EPHA3: variants seen among roughly 807,000 people sequenced by gnomAD.
The protein encoded by EPHA3 is EPH receptor A3.
In EPHA3, 42 loss-of-function variants were observed where a neutral mutation model predicts 107.1. The observed-to-expected ratio is 0.39, with a 90% CI of 0.31 to 0.51. The LOEUF (loss-of-function observed/expected upper bound fraction) is 0.51, where lower values mean the gene tolerates loss of function less well. EPHA3 is among the 20% of genes least tolerant of loss of function. The pLI, the probability that EPHA3 is intolerant of heterozygous loss-of-function variation, is 0.78. For missense variants in EPHA3, 1,183 were observed against 1,211.2 expected (o/e 0.98, Z 0.35); for synonymous variants, 461 against 424.8 (o/e 1.09, Z -1.05).
chr3:89,195,168 G>A (rs1314243989), intron 2 of EPHA3, among the ~76,000 whole-genome samples: 5 of 151,346 alleles, frequency 3.3e-5, no homozygotes, highest in Admixed American at 1.3e-4. Flanking sequence ...CTTTTTCTGT[G>A]TTTCATGTTG....
At chr3:89,351,435 T>C (rs1200887644) in intron 5 of EPHA3, among the ~76,000 whole-genome samples, 1 of 150,714 alleles carries the variant, frequency 6.6e-6, no homozygotes, top group African/African-American at 2.4e-5. Context: ...CCTGACCCCT[T>C]GCGCTTCCCA....
chr3:89,219,693 T>G (rs886179051), intron 3 of EPHA3, among the ~76,000 whole-genome samples: 1,131 of 11,520 alleles, frequency 0.098, 168 homozygotes, highest in Admixed American at 0.13. Flanking sequence ...GCAATGTTTT[T>G]TTTTTTTTTG....
chr3:89,179,070 T>G (rs1466070630), intron 2 of EPHA3, among the ~76,000 whole-genome samples: 1 of 151,984 alleles, frequency 6.6e-6, no homozygotes, highest in Non-Finnish European at 1.5e-5. Flanking sequence ...TTTTTTTACT[T>G]GAATAAAATA....
chr3:89,129,059 T>C (rs1704147443), intron 2 of EPHA3, among the ~76,000 whole-genome samples: 1 of 152,106 alleles, frequency 6.6e-6, no homozygotes, highest in African/African-American at 2.4e-5. Flanking sequence ...CAGACCCTGC[T>C]CCAGACATTG....
At chr3:89,136,624 C>A (rs1198991066) in intron 2 of EPHA3, among the ~76,000 whole-genome samples, 2 of 151,412 alleles carry the variant, frequency 1.3e-5, no homozygotes, top group Non-Finnish European at 3.0e-5. Flanking sequence ...TATTTCATTT[C>A]TTTTACTTTG....
At chr3:89,244,246 A>G (rs991030285) in intron 3 of EPHA3, among the ~76,000 whole-genome samples, 6 of 152,120 alleles carry the variant, frequency 3.9e-5, no homozygotes, top group African/African-American at 1.4e-4. Context: ...TAGCTAGGTT[A>G]CCAGGAATAT....
chr3:89,271,378 G>T (rs1705665794), intron 3 of EPHA3, among the ~76,000 whole-genome samples: 1 of 152,088 alleles, frequency 6.6e-6, no homozygotes, highest in African/African-American at 2.4e-5. Context: ...GTATATTTCT[G>T]AATGGTGTTC....
At chr3:89,436,573 G>A (rs1709674141) in intron 13 of EPHA3, among the ~76,000 whole-genome samples, 1 of 152,196 alleles carries the variant, frequency 6.6e-6, no homozygotes, top group African/African-American at 2.4e-5. Context: ...ACTGAACATA[G>A]AATGTCTGTC....
intron 13 of EPHA3, among the ~76,000 whole-genome samples, chr3:89,443,280 C>T (rs1374293348): frequency 6.6e-6 from 1 of 152,086 alleles, no homozygotes; most frequent in Non-Finnish European, 1.5e-5. Flanking sequence ...ATTCTACGAA[C>T]TCTAAAACAC....
At chr3:89,131,446 A>G (rs1704205962) in intron 2 of EPHA3, among the ~76,000 whole-genome samples, 2 of 152,324 alleles carry the variant, frequency 1.3e-5, no homozygotes, top group Admixed American at 1.3e-4. Context: ...GATTGTACTT[A>G]AATTGATTGA....
At chr3:89,219,842 G>A (rs1014290611) in intron 3 of EPHA3, among the ~76,000 whole-genome samples, 2 of 145,766 alleles carry the variant, frequency 1.4e-5, no homozygotes, top group Non-Finnish European at 3.0e-5. Flanking sequence ...CCAAGTAGCT[G>A]GGACTACAGG....
intron 2 of EPHA3, among the ~76,000 whole-genome samples, chr3:89,158,594 G>T (rs1289128065): frequency 6.6e-6 from 1 of 152,112 alleles, no homozygotes; most frequent in African/African-American, 2.4e-5. Flanking sequence ...GCTTTTCCCA[G>T]ATTCATAATA....
intron 7 of EPHA3, among the ~76,000 whole-genome samples, chr3:89,405,072 T>C (rs916348474): frequency 6.6e-6 from 1 of 151,974 alleles, no homozygotes. Context: ...GGAGAAATAT[T>C]TGTGAAGGAT....
At chr3:89,164,311 C>T (rs1705013833) in intron 2 of EPHA3, among the ~76,000 whole-genome samples, 1 of 152,172 alleles carries the variant, frequency 6.6e-6, no homozygotes, top group Admixed American at 6.5e-5. Flanking sequence ...AGAAAATGTA[C>T]GGATTTGTGT....
rs1327025998 is a variant in EPHA3 at position 89,450,203 on chromosome 3, T to C, written c.2523T>C (p.Tyr841=). The change falls in exon 15 of 17, where the codon TAT becomes TAC. Residue 841 remains tyrosine (Y), a synonymous_variant. Coordinates refer to ENST00000336596, the MANE Select transcript of EPHA3 (RefSeq NM_005233.6). ...TAATTAAAGCTGTAGATGAGGGCTA[T>C]CGACTGCCACCCCCCATGGACTGCC... ...QDVIKAVDEG[Y]RLPPPMDCPA... is the part of the protein sequence containing the mutation. 3.1e-6 allele frequency: 5 copies of C among 1,608,166 alleles called. No homozygotes were observed. In the South Asian group the frequency reaches 5.6e-5, roughly 18 times the overall value.
At chr3:89,208,954 C>G (rs1241854394) in intron 2 of EPHA3, among the ~76,000 whole-genome samples, 1 of 152,112 alleles carries the variant, frequency 6.6e-6, no homozygotes, top group South Asian at 2.1e-4. Flanking sequence ...ACAGAGATAA[C>G]AGAAACAACT....
intron 2 of EPHA3, among the ~76,000 whole-genome samples, chr3:89,181,224 T>A (rs1434140951): frequency 1.3e-5 from 2 of 152,048 alleles, no homozygotes; most frequent in Non-Finnish European, 2.9e-5. Context: ...GTTTTCTGCC[T>A]TGTTTTCAAA....
chr3:89,269,906 A>T (rs910272794), intron 3 of EPHA3, among the ~76,000 whole-genome samples: 2 of 151,724 alleles, frequency 1.3e-5, no homozygotes, highest in Non-Finnish European at 2.9e-5. Context: ...CAGAAGATAG[A>T]GTCTAAATTC....
At chr3:89,136,329 G>GTTTTTTTTTTTTTTTTT (rs1559747476) in intron 2 of EPHA3, among the ~76,000 whole-genome samples, 2 of 23,868 alleles carry the variant, frequency 8.4e-5, no homozygotes, top group Admixed American at 6.1e-4. Flanking sequence ...AATCTTACAG[G>GTTTTTTTTTTTTTTTTT]CTTTTTTTTT....
Sources: allele counts gnomAD v4.1 joint callset (sites outside exome capture counted in the v4.1 genomes callset), GRCh38; gene constraint gnomAD v4.1.1; transcripts MANE v1.5; gene names NCBI Gene and HGNC (gene_info 2026-07-23, HGNC 2026-07-21).